STPG1: variants seen among roughly 807,000 people sequenced by gnomAD.
STPG1 encodes the protein sperm tail PG-rich repeat containing 1, also known as O(6)-methylguanine-induced apoptosis 2.
In STPG1, 33 loss-of-function variants were observed where a neutral mutation model predicts 40.1. The observed-to-expected ratio is 0.82, with a 90% CI of 0.62 to 1.10. STPG1 has a LOEUF of 1.10. Ranked by LOEUF, STPG1 falls within the 50% of genes least tolerant of loss-of-function variation. The probability of loss-of-function intolerance (pLI) is 0.00; values close to 1 mark genes in which losing one functional copy is unlikely to be tolerated. For synonymous variants in STPG1, 150 were observed against 155.0 expected (o/e 0.97, Z 0.24); for missense variants, 396 against 415.1 (o/e 0.95, Z 0.40).
In STPG1 at chr1:24,357,296, T is replaced by C. The variant is rs953060316; in HGVS notation, c.*1247A>G. On this transcript the variant is annotated 3_prime_UTR_variant, in exon 9 of 9. Coordinates refer to ENST00000337248, the MANE Select transcript of STPG1 (RefSeq NM_001199013.2). ...ACAGAGGAGTGTGGAACCACAGCCA[T>C]GCTGTAGGTGCTCCAGGTGCTCTGC... The C allele has an allele frequency of 6.6e-6, 1 of 152,246 alleles. No individual in the cohort carries two copies. The highest frequency in any genetic ancestry group is 2.4e-5 in the African/African-American group (1 of 41,466). The allele number at this position is 152,246 out of a possible 1,614,324, so 9.4% of individuals were successfully genotyped here. A position where few individuals can be genotyped will look rare whatever the true frequency, so the allele number is the denominator to read the frequency against.
intron 7 of STPG1, 38 bp downstream of exon 7, chr1:24,369,636 C>A: frequency 5.8e-6 from 9 of 1,553,998 alleles, no homozygotes; most frequent in Non-Finnish European, 7.8e-6. Context: ...TCCCCACAAC[C>A]ACCTTTCAAA....
chr1:24,377,223 C>A (rs1441085566), intron 5 of STPG1, among the ~76,000 whole-genome samples: 1 of 152,138 alleles, frequency 6.6e-6, no homozygotes, highest in Non-Finnish European at 1.5e-5. Flanking sequence ...CCACTGCACT[C>A]CAGCCTGGGC....
chr1:24,408,913 CT>C (rs930865894), intron 1 of STPG1, among the ~76,000 whole-genome samples: 18 of 152,048 alleles, frequency 1.2e-4, no homozygotes, highest in African/African-American at 3.6e-4. Context: ...CAATTTTCAA[CT>C]TTTTTTTGGT....
intron 1 of STPG1, among the ~76,000 whole-genome samples, chr1:24,408,971 C>A (rs1643512738): frequency 6.6e-6 from 1 of 152,164 alleles, no homozygotes; most frequent in South Asian, 2.1e-4. Flanking sequence ...TTATTGACAA[C>A]ATTCTTCAAG....
At chr1:24,362,814 C>T (rs890451206) in intron 7 of STPG1, among the ~76,000 whole-genome samples, 1 of 152,092 alleles carries the variant, frequency 6.6e-6, no homozygotes, top group Admixed American at 6.5e-5. Flanking sequence ...GAGCAGCTGG[C>T]GTGGATGCTT....
chr1:24,375,062 G>A (rs573254034), intron 5 of STPG1, among the ~76,000 whole-genome samples: 17 of 152,294 alleles, frequency 1.1e-4, no homozygotes, highest in African/African-American at 4.1e-4. Context: ...TATCATTTAA[G>A]ATTGTGATCA....
At chr1:24,386,502 C>G (rs510614) in intron 3 of STPG1, among the ~76,000 whole-genome samples, 98,103 of 151,816 alleles carry the variant, frequency 0.65, 31,758 homozygotes, top group East Asian at 0.77. Context: ...GCCACGGTGG[C>G]AGTATTTATG....
intron 1 of STPG1, among the ~76,000 whole-genome samples, chr1:24,411,036 C>G (rs1319895587): frequency 6.6e-6 from 1 of 152,168 alleles, no homozygotes; most frequent in Non-Finnish European, 1.5e-5. Flanking sequence ...TCCTCTTAGG[C>G]TGATCCATGT....
chr1:24,408,650 C>A (rs1240983892), intron 1 of STPG1, among the ~76,000 whole-genome samples: 2 of 152,174 alleles, frequency 1.3e-5, no homozygotes, highest in Non-Finnish European at 2.9e-5. Context: ...TTGTACTGTG[C>A]CTGTTGTCCA....
intron 1 of STPG1, among the ~76,000 whole-genome samples, chr1:24,410,063 A>T (rs1643557272): frequency 6.6e-6 from 1 of 152,220 alleles, no homozygotes; most frequent in Non-Finnish European, 1.5e-5. Context: ...CTCAAACTAT[A>T]AAAAGCTGTT....
At chr1:24,412,374 A>G (rs1180114318) in intron 1 of STPG1, among the ~76,000 whole-genome samples, 2 of 152,174 alleles carry the variant, frequency 1.3e-5, no homozygotes, top group Non-Finnish European at 2.9e-5. Context: ...CTTCTTAGGG[A>G]TGACTTCCCT....
intron 1 of STPG1, among the ~76,000 whole-genome samples, chr1:24,402,560 G>A (rs1308026674): frequency 6.6e-6 from 1 of 151,972 alleles, no homozygotes; most frequent in Non-Finnish European, 1.5e-5. Context: ...CGAGGAGTTT[G>A]AGACTAGCCT....
intron 1 of STPG1, among the ~76,000 whole-genome samples, chr1:24,405,717 C>T (rs1217084953): frequency 6.6e-6 from 1 of 152,118 alleles, no homozygotes; most frequent in African/African-American, 2.4e-5. Flanking sequence ...GGTGCATGAA[C>T]ATTTATAATT....
chr1:24,402,230 C>T (rs1048575221), intron 1 of STPG1, among the ~76,000 whole-genome samples: 3 of 152,202 alleles, frequency 2.0e-5, no homozygotes, highest in Non-Finnish European at 4.4e-5. Flanking sequence ...GAAATGCAAT[C>T]ATAGACACTC....
intron 2 of STPG1, among the ~76,000 whole-genome samples, chr1:24,395,749 A>G (rs1642973604): frequency 6.6e-6 from 1 of 152,164 alleles, no homozygotes; most frequent in Non-Finnish European, 1.5e-5. Context: ...ATTTAAATAT[A>G]ACATTTTAAA....
At chr1:24,405,528 A>G (rs1350993063) in intron 1 of STPG1, among the ~76,000 whole-genome samples, 1 of 152,144 alleles carries the variant, frequency 6.6e-6, no homozygotes, top group African/African-American at 2.4e-5. Context: ...TATAAATGTC[A>G]ATTAGGTAGC....
At chr1:24,387,162 T>C (rs1642547902) in intron 3 of STPG1, among the ~76,000 whole-genome samples, 1 of 152,130 alleles carries the variant, frequency 6.6e-6, no homozygotes, top group Non-Finnish European at 1.5e-5. Context: ...AAATGCAATT[T>C]AGCGGACACT....
Position 24,362,800 on chromosome 1 carries a change from G to A in STPG1, c.738-1759C>T, listed in dbSNP as rs574856833. Among the ~76,000 whole-genome samples the A allele has an allele frequency of 5.3e-5, 8 of 152,332 alleles. No homozygotes were observed. The South Asian group carries it at 1.7e-3, about 32-fold the overall frequency. On this transcript the variant is annotated intron_variant, in intron 7 of 8. Coordinates refer to ENST00000337248, the MANE Select transcript of STPG1 (RefSeq NM_001199013.2). ...TGTGCTTGGGCTCACATCTTGTGGT[G>A]GAGGAGCAGCTGGCGTGGATGCTTA...
intron 3 of STPG1, among the ~76,000 whole-genome samples, chr1:24,388,732 A>G (rs72880663): frequency 0.027 from 4,069 of 152,256 alleles, 195 homozygotes; most frequent in African/African-American, 0.093. Flanking sequence ...TTTAATTTGT[A>G]TTGCCTCACT....
Sources: allele counts gnomAD v4.1 joint callset (sites outside exome capture counted in the v4.1 genomes callset), GRCh38; gene constraint gnomAD v4.1.1; transcripts MANE v1.5; gene names NCBI Gene and HGNC (gene_info 2026-07-23, HGNC 2026-07-21).